Variants in ASTN2 observed in about 807,000 individuals in gnomAD.
ASTN2 encodes the protein astrotactin-2.
In ASTN2, 54 loss-of-function variants were observed where a neutral mutation model predicts 139.8. That is an observed-to-expected ratio of 0.39 (90% CI 0.31 to 0.48). ASTN2 has a LOEUF of 0.48. Among genes scored for constraint, ASTN2 ranks in the 20% least tolerant of loss-of-function variants. The probability of loss-of-function intolerance (pLI) is 0.95; values close to 1 mark genes in which losing one functional copy is unlikely to be tolerated. For missense variants in ASTN2, 1,565 were observed against 1,725.1 expected (o/e 0.91, Z 1.64); for synonymous variants, 756 against 719.5 (o/e 1.05, Z -0.81).
chr9:117,244,573 G>GGTA (rs1833313161), intron 2 of ASTN2, among the ~76,000 whole-genome samples: 4 of 6,960 alleles, frequency 5.7e-4, no homozygotes, highest in African/African-American at 7.6e-4. Flanking sequence ...AAGGAAGGAA[G>GGTA]GGAGGGAGGG....
intron 19 of ASTN2, among the ~76,000 whole-genome samples, chr9:116,577,967 G>C (rs982414100): frequency 2.0e-5 from 3 of 152,280 alleles, no homozygotes; most frequent in African/African-American, 7.2e-5. Context: ...ATTGGGGGAT[G>C]CAAGAAGGGG....
chr9:116,516,754 G>A (rs1204045236), intron 19 of ASTN2, among the ~76,000 whole-genome samples: 2 of 152,220 alleles, frequency 1.3e-5, no homozygotes, highest in East Asian at 1.9e-4. Flanking sequence ...CCTGGAAATA[G>A]GCTTGGTGCT....
intron 16 of ASTN2, among the ~76,000 whole-genome samples, chr9:116,680,167 C>T (rs1311174097): frequency 1.2e-4 from 18 of 152,012 alleles, no homozygotes; most frequent in East Asian, 3.9e-4. Context: ...ATCAAATAGA[C>T]GCAATAAAAA....
At chr9:117,009,716 G>T in intron 6 of ASTN2, among the ~76,000 whole-genome samples, 1 of 152,158 alleles carries the variant, frequency 6.6e-6, no homozygotes, top group East Asian at 1.9e-4. Flanking sequence ...CTTTGTGTAT[G>T]CAATTCAAGT....
At chr9:117,398,262 C>T (rs889688434) in intron 1 of ASTN2, among the ~76,000 whole-genome samples, 4 of 152,170 alleles carry the variant, frequency 2.6e-5, no homozygotes, top group Non-Finnish European at 5.9e-5. Context: ...TTCAATCACA[C>T]TACCACCAAA....
intron 2 of ASTN2, among the ~76,000 whole-genome samples, chr9:117,280,817 A>G (rs1253050103): frequency 6.6e-6 from 1 of 152,300 alleles, no homozygotes; most frequent in East Asian, 1.9e-4. Flanking sequence ...TGTAATTAAT[A>G]AATGTCTTGG....
chr9:117,031,945 GTTT>G (rs1192196064), intron 6 of ASTN2, among the ~76,000 whole-genome samples: 1 of 152,140 alleles, frequency 6.6e-6, no homozygotes, highest in African/African-American at 2.4e-5. Context: ...TGTATGCGAT[GTTT>G]TGATATTTTC....
chr9:116,487,885 T>G (rs1050453703), intron 19 of ASTN2, among the ~76,000 whole-genome samples: 20 of 141,514 alleles, frequency 1.4e-4, no homozygotes, highest in African/African-American at 6.4e-4. Context: ...AAAGCTCTTC[T>G]CTCTTAGAAT....
At chr9:116,458,904 T>C (rs181532685) in intron 20 of ASTN2, among the ~76,000 whole-genome samples, 1 of 152,070 alleles carries the variant, frequency 6.6e-6, no homozygotes, top group Admixed American at 6.5e-5. Flanking sequence ...ATTGACAAGC[T>C]GCTCCTAAAA....
At chr9:116,772,185 A>G (rs1829969600) in intron 13 of ASTN2, among the ~76,000 whole-genome samples, 1 of 152,168 alleles carries the variant, frequency 6.6e-6, no homozygotes, top group African/African-American at 2.4e-5. Flanking sequence ...CTGTGTCCCC[A>G]CCCAAATCTC....
intron 14 of ASTN2, among the ~76,000 whole-genome samples, chr9:116,731,178 GTAA>G (rs68099311): frequency 0.18 from 24,612 of 139,834 alleles, 2,212 homozygotes; most frequent in Middle Eastern, 0.2. Flanking sequence ...ATTTTTCCTG[GTAA>G]TAATAATAAT....
chr9:116,426,743 T>C (rs1442393785), intron 22 of ASTN2, among the ~76,000 whole-genome samples: 2 of 50,156 alleles, frequency 4.0e-5, no homozygotes, highest in Non-Finnish European at 8.8e-5. Flanking sequence ...TGATTCCCTT[T>C]CATCAAATAT....
chr9:116,697,050 G>C (rs1241755183), intron 16 of ASTN2, among the ~76,000 whole-genome samples: 1 of 151,658 alleles, frequency 6.6e-6, no homozygotes, highest in Non-Finnish European at 1.5e-5. Context: ...ACATATCTTA[G>C]GAGTGAAACT....
At chr9:117,256,386 T>C (rs1291697789) in intron 2 of ASTN2, among the ~76,000 whole-genome samples, 1 of 152,210 alleles carries the variant, frequency 6.6e-6, no homozygotes. Flanking sequence ...ACCTAGTGTT[T>C]ATCAGATTTT....
chr9:117,064,151 G>T (rs1375397332), intron 5 of ASTN2, among the ~76,000 whole-genome samples: 10 of 151,792 alleles, frequency 6.6e-5, no homozygotes, highest in Non-Finnish European at 1.2e-4. Context: ...ATCTCAAGGT[G>T]TTTTACAAGC....
At chr9:116,743,782 C>A (rs541384896) in intron 13 of ASTN2, among the ~76,000 whole-genome samples, 87 of 152,218 alleles carry the variant, frequency 5.7e-4, no homozygotes, top group African/African-American at 2.1e-3. Context: ...GGATTTCAGG[C>A]GTGAGCCACC....
intron 16 of ASTN2, among the ~76,000 whole-genome samples, chr9:116,703,771 G>T (rs917184711): frequency 6.6e-6 from 1 of 151,958 alleles, no homozygotes; most frequent in African/African-American, 2.4e-5. Flanking sequence ...CTGTAGGAGG[G>T]AAGTGGAAGG....
intron 4 of ASTN2, among the ~76,000 whole-genome samples, chr9:117,105,931 A>G (rs1334096): frequency 0.92 from 140,052 of 152,244 alleles, 64,517 homozygotes; most frequent in East Asian, 0.97. Flanking sequence ...ATGAGGACAC[A>G]GAGGGTCAGA....
intron 2 of ASTN2, among the ~76,000 whole-genome samples, chr9:117,231,274 G>A (rs1832883276): frequency 6.6e-6 from 1 of 152,210 alleles, no homozygotes; most frequent in Non-Finnish European, 1.5e-5. Flanking sequence ...CAAGATTACA[G>A]CTGTCTACAA....
Sources: gnomAD v4.1 joint callset for allele counts (sites outside exome capture counted in the v4.1 genomes callset) on GRCh38, gnomAD v4.1.1 for gene constraint, MANE v1.5 for transcripts, NCBI Gene and HGNC (gene_info 2026-07-23, HGNC 2026-07-21) for gene names.